The following DLG1 variants were observed in gnomAD, a reference collection of about 807,000 sequenced individuals.
DLG1 encodes disks large homolog 1.
DLG1 carries 42 observed loss-of-function variants against 123.4 expected under a neutral mutation model. That is an observed-to-expected ratio of 0.34 (90% CI 0.27 to 0.44). The LOEUF is 0.44. Ranked by LOEUF, DLG1 falls within the 20% of genes least tolerant of loss-of-function variation. DLG1 has a pLI of 1.00. For synonymous variants in DLG1, 317 were observed against 356.2 expected, an observed-to-expected ratio of 0.89 and a Z score of 1.24; for missense variants, 942 against 1,082.6, an observed-to-expected ratio of 0.87 and a Z score of 1.82.
chr3:197,171,297 A>G (rs1388638050), intron 5 of DLG1, among the ~76,000 whole-genome samples: 1 of 152,198 alleles, frequency 6.6e-6, no homozygotes, highest in Non-Finnish European at 1.5e-5. Flanking sequence ...GCTGATTTTT[A>G]TGGTTTAAAT....
chr3:197,108,175 T>C (rs988731022), intron 13 of DLG1, among the ~76,000 whole-genome samples: 11 of 152,334 alleles, frequency 7.2e-5, no homozygotes, highest in Non-Finnish European at 1.5e-4. Flanking sequence ...TTATGGTACA[T>C]CATCCTTGTT....
intron 4 of DLG1, among the ~76,000 whole-genome samples, chr3:197,198,682 A>G (rs1365344551): frequency 2.6e-5 from 4 of 152,220 alleles, no homozygotes; most frequent in African/African-American, 9.6e-5. Flanking sequence ...AAGATGTTTA[A>G]TATCATTAAT....
chr3:197,163,098 T>A (rs961028951), intron 5 of DLG1, among the ~76,000 whole-genome samples: 1 of 152,188 alleles, frequency 6.6e-6, no homozygotes, highest in African/African-American at 2.4e-5. Context: ...CACGAAAAGA[T>A]GCTCGACATC....
At chr3:197,065,885 A>C (rs1739182077) in intron 20 of DLG1, 76 bp from the exon 21 acceptor site, 1 of 969,502 alleles carries the variant, frequency 1.0e-6, no homozygotes, top group Non-Finnish European at 1.6e-6. Flanking sequence ...CCAGCGAACA[A>C]AAATATCCTT....
chr3:197,200,929 C>T (rs1289490968), intron 4 of DLG1, among the ~76,000 whole-genome samples: 2 of 152,120 alleles, frequency 1.3e-5, no homozygotes, highest in African/African-American at 2.4e-5. Context: ...TGGAACAATA[C>T]CGGAATACCC....
At chr3:197,206,345 G>A (rs2150363725) in intron 4 of DLG1, among the ~76,000 whole-genome samples, 1 of 152,068 alleles carries the variant, frequency 6.6e-6, no homozygotes, top group East Asian at 1.9e-4. Flanking sequence ...TGTTACCAAG[G>A]CTGGAGTGCA....
At chr3:197,203,048 A>T (rs1198607478) in intron 4 of DLG1, among the ~76,000 whole-genome samples, 4 of 152,174 alleles carry the variant, frequency 2.6e-5, no homozygotes, top group Non-Finnish European at 4.4e-5. Context: ...TGAGGAAAGA[A>T]GATCAGGTGA....
chr3:197,180,679 AG>A (rs976999732), intron 5 of DLG1, among the ~76,000 whole-genome samples: 2 of 152,146 alleles, frequency 1.3e-5, no homozygotes, highest in Non-Finnish European at 2.9e-5. Flanking sequence ...GGGGACTGAA[AG>A]GGGTGAGGAA....
At chr3:197,289,956 C>T (rs1774018165) in intron 3 of DLG1, among the ~76,000 whole-genome samples, 1 of 152,124 alleles carries the variant, frequency 6.6e-6, no homozygotes, top group Non-Finnish European at 1.5e-5. Flanking sequence ...CTAAAAGGAA[C>T]CAGAGCTTCT....
At chr3:197,249,726 T>C (rs945067132) in intron 4 of DLG1, among the ~76,000 whole-genome samples, 1 of 152,180 alleles carries the variant, frequency 6.6e-6, no homozygotes, top group Non-Finnish European at 1.5e-5. Context: ...CATAATCAAG[T>C]GGGATTCACC....
chr3:197,062,963 C>T (rs1376308012), intron 22 of DLG1, among the ~76,000 whole-genome samples: 1 of 152,086 alleles, frequency 6.6e-6, no homozygotes, highest in Non-Finnish European at 1.5e-5. Context: ...CCCACTACTG[C>T]CATTGTATTA....
chr3:197,282,084 C>G (rs1769641365), intron 4 of DLG1, among the ~76,000 whole-genome samples: 1 of 152,218 alleles, frequency 6.6e-6, no homozygotes, highest in African/African-American at 2.4e-5. Flanking sequence ...CAAACTGCTT[C>G]ATACCTCTGC....
At chr3:197,089,137 T>A (rs1756183733) in intron 15 of DLG1, among the ~76,000 whole-genome samples, 1 of 152,208 alleles carries the variant, frequency 6.6e-6, no homozygotes. Flanking sequence ...GGAAGTTTGC[T>A]AGGAAAATGG....
intron 13 of DLG1, among the ~76,000 whole-genome samples, chr3:197,113,223 T>C (rs1771100823): frequency 6.6e-6 from 1 of 152,164 alleles, no homozygotes; most frequent in Non-Finnish European, 1.5e-5. Flanking sequence ...TTACTAAGAT[T>C]TTCTTGTATG....
At chr3:197,257,802 A>G (rs1241918382) in intron 4 of DLG1, among the ~76,000 whole-genome samples, 1 of 152,228 alleles carries the variant, frequency 6.6e-6, no homozygotes, top group African/African-American at 2.4e-5. Context: ...TATACCATAT[A>G]TAACAATAAT....
In DLG1 at chr3:197,043,077, A is replaced by G. The variant is rs1721096330; in HGVS notation, c.*1546T>C. On this transcript the variant is annotated 3_prime_UTR_variant, in exon 25 of 25. Coordinates refer to ENST00000667157, the MANE Select transcript of DLG1 (RefSeq NM_001366207.1). ...ATTTAATAAACAACTCCAAAGAGCA[A>G]TGGGAAGCCAAATATTATTATTAAT... The G allele has an allele frequency of 6.6e-6, 1 of 152,212 alleles. No individual in the cohort carries two copies. The highest frequency in any genetic ancestry group is 1.5e-5 in the Non-Finnish European group (1 of 68,034). The allele number at this position is 152,212 out of a possible 1,614,324, so 9.4% of individuals were successfully genotyped here.
intron 5 of DLG1, among the ~76,000 whole-genome samples, chr3:197,155,240 C>T (rs1795847304): frequency 6.6e-6 from 1 of 152,158 alleles, no homozygotes; most frequent in South Asian, 2.1e-4. Context: ...TCACATCAGA[C>T]ACTCTGGAGG....
chr3:197,201,166 G>A (rs1431551833), intron 4 of DLG1, among the ~76,000 whole-genome samples: 5 of 152,126 alleles, frequency 3.3e-5, no homozygotes, highest in Non-Finnish European at 7.4e-5. Context: ...GGAGGATCAC[G>A]AGGTCAGGAG....
At chr3:197,117,616 G>C (rs984318064) in intron 12 of DLG1, among the ~76,000 whole-genome samples, 1 of 152,094 alleles carries the variant, frequency 6.6e-6, no homozygotes, top group African/African-American at 2.4e-5. Flanking sequence ...AAACTATCCA[G>C]AATAGGCAAA....
Sources: allele counts gnomAD v4.1 joint callset (sites outside exome capture counted in the v4.1 genomes callset), GRCh38; gene constraint gnomAD v4.1.1; transcripts MANE v1.5; gene names NCBI Gene and HGNC (gene_info 2026-07-23, HGNC 2026-07-21).